Variants in RLF observed in about 807,000 individuals in gnomAD.
RLF encodes RLF zinc finger, also known as zinc finger protein Rlf.
In RLF, 7 loss-of-function variants were observed where a neutral mutation model predicts 162.9. The observed-to-expected ratio is 0.04, with a 90% confidence interval of 0.02 to 0.08. The LOEUF is 0.08. Ranked by LOEUF, RLF falls within the 10% of genes least tolerant of loss-of-function variation. RLF has a pLI of 1.00. For missense variants in RLF, 1,664 were observed against 2,244.7 expected, an observed-to-expected ratio of 0.74 and a Z score of 5.23; for synonymous variants, 782 against 791.5, an observed-to-expected ratio of 0.99 and a Z score of 0.20.
chr1:40,162,480 G>A lies in RLF; in HGVS notation c.237+844G>A, dbSNP rs368691554. Reference sequence around the variant, plus strand: ...GGCCATTATTATTTCTGCTTCCAATGTTTGTTCTGTCAGGTTTCAGAGGCA... The same window carrying A: ...GGCCATTATTATTTCTGCTTCCAATATTTGTTCTGTCAGGTTTCAGAGGCA... On this transcript the variant is annotated intron_variant, in intron 1 of 7. Transcript: ENST00000372771. Among the ~76,000 whole-genome samples, 13 of 152,266 alleles carry A rather than the reference G, an allele frequency of 8.5e-5. 1 individual carries two copies. The highest frequency in any genetic ancestry group is 3.9e-4 in the East Asian group (2 of 5,186).
intron 5 of RLF, among the ~76,000 whole-genome samples, chr1:40,210,862 G>A (rs1471742743): frequency 1.3e-5 from 2 of 152,172 alleles, no homozygotes; most frequent in African/African-American, 2.4e-5. Flanking sequence ...AAGATGATAA[G>A]CTTTGTTTTA....
intron 1 of RLF, among the ~76,000 whole-genome samples, chr1:40,179,901 T>C (rs1291762357): frequency 2.0e-5 from 3 of 152,232 alleles, no homozygotes; most frequent in Admixed American, 6.5e-5. Context: ...CCTCAAGATA[T>C]ATCATGTTGT....
intron 1 of RLF, among the ~76,000 whole-genome samples, chr1:40,172,959 C>T (rs1642265449): frequency 6.6e-6 from 1 of 152,108 alleles, no homozygotes. Flanking sequence ...TTGGGAGTCC[C>T]CGTTTTACTA....
At chr1:40,199,477 A>C (rs11807212) in intron 4 of RLF, among the ~76,000 whole-genome samples, 1 of 152,170 alleles carries the variant, frequency 6.6e-6, no homozygotes, top group Admixed American at 6.5e-5. Flanking sequence ...AGATGAAGAA[A>C]CTTGAGTCTC....
Position 40,239,240 on chromosome 1 carries a change from C to T in RLF, c.4538C>T (p.Ala1513Val), listed in dbSNP as rs946329042. The T allele has an allele frequency of 6.2e-7, 1 of 1,614,090 alleles. No individual in the cohort carries two copies. The highest frequency in any genetic ancestry group is 8.5e-7 in the Non-Finnish European group (1 of 1,180,002). The change falls in exon 8 of 8, where the codon GCT becomes GTT. Residue 1513 changes from alanine (A) to valine (V), a missense_variant. Physicochemically the swap from Ala to Val is moderately conservative, Grantham distance 64. This residue lies in a region of RLF where 200 missense variants were observed against 207.3 expected (regional missense o/e 0.96). Transcript: ENST00000372771. ...CAGACCACCAGGAGATCATTTAATG[C>T]TAAGTCTAAAAAATGTGGCTTAATC... ...EHQTTRRSFN[A>V]KSKKCGLIKE...
chr1:40,228,514 C>T lies in RLF; in HGVS notation c.948-3003C>T, dbSNP rs554210003. Among the ~76,000 whole-genome samples, 60 of 150,864 alleles carry T rather than the reference C, an allele frequency of 4.0e-4. 3 individuals are homozygous for T. Among genetic ancestry groups the T allele is most frequent in the South Asian group, 1.0e-3 (5 of 4,780 alleles). ...AGGAGAATCACTTGAACCCGGGAGG[C>T]GGAGGTTGCAGTGAGCCAAGATCAT... On this transcript the variant is annotated intron_variant, in intron 6 of 7. Transcript: ENST00000372771.
rs142200229 is a variant in RLF at position 40,174,512 on chromosome 1, C to G, written c.237+12876C>G. 1.4e-4 allele frequency among the ~76,000 whole-genome samples: 21 copies of G among 152,214 alleles called. No homozygotes were observed. In the South Asian group the frequency reaches 2.7e-3, roughly 20 times the overall value. On this transcript the variant is annotated intron_variant, in intron 1 of 7. Coordinates refer to ENST00000372771, the MANE Select transcript of RLF (RefSeq NM_012421.4). ...ATGCTCTTTAAGGTTTGATTCTGCT[C>G]CAAAATTATATAACTCTATTGAAAA...
chr1:40,178,632 G>GT (rs57391266), intron 1 of RLF, among the ~76,000 whole-genome samples: 9,395 of 88,522 alleles, frequency 0.11, 456 homozygotes, highest in Non-Finnish European at 0.14. Context: ...TTTTTTTTTT[G>GT]TTTTTTTTTT....
In RLF at chr1:40,176,958, CTTTCTTTTTTATTTA is replaced by C. The variant is rs1430694819; in HGVS notation, c.238-12086_238-12072del. On this transcript the variant is annotated intron_variant, in intron 1 of 7. Transcript: ENST00000372771. ...TTATTATTCTCTTAACAGTATATTTCTTTCTTTTTTATTTATTTCTTTTTTTAATTAATTAATTTT... is the reference window on the plus strand; with the variant it reads ...TTATTATTCTCTTAACAGTATATTTCTTTCTTTTTTTAATTAATTAATTTT... Among the ~76,000 whole-genome samples the C allele has an allele frequency of 8.6e-5, 13 of 151,378 alleles. 1 individual carries two copies. The highest frequency in any genetic ancestry group is 3.9e-4 in the East Asian group (2 of 5,156).
At chr1:40,163,260 C>T (rs1642121467) in intron 1 of RLF, among the ~76,000 whole-genome samples, 1 of 152,062 alleles carries the variant, frequency 6.6e-6, no homozygotes, top group African/African-American at 2.4e-5. Context: ...GAAAGCATCC[C>T]AGTGCCAAAG....
rs61780421 is a variant in RLF at position 40,175,642 on chromosome 1, C to T, written c.238-13413C>T. Among the ~76,000 whole-genome samples the T allele has an allele frequency of 3.7e-3, 555 of 151,796 alleles. 13 individuals are homozygous for T. Among genetic ancestry groups the T allele is most frequent in the East Asian group, 0.032 (163 of 5,142 alleles). ...CCAGCCTGGGCGACAGAGTGAGACTCCGACTCAAAAAAATAATAATAATTC... is the reference window on the plus strand; with the variant it reads ...CCAGCCTGGGCGACAGAGTGAGACTTCGACTCAAAAAAATAATAATAATTC... On this transcript the variant is annotated intron_variant, in intron 1 of 7. Coordinates refer to ENST00000372771, the MANE Select transcript of RLF (RefSeq NM_012421.4).
At position 40,238,505 on chromosome 1, in the gene RLF, C is replaced by T; in HGVS notation, c.3803C>T (p.Thr1268Ile). ...ESSCEETESKTSDISSPIGSH... is the reference protein window; with the variant it reads ...ESSCEETESKISDISSPIGSH... ...TCTTGTGAAGAAACAGAAAGTAAAA[C>T]ATCTGACATTTCATCACCAATAGGC... Residue 1268 changes from threonine to isoleucine, a missense_variant, in exon 8 of 8, where the codon ACA (threonine) becomes ATA (isoleucine). Physicochemically the swap from Thr to Ile is moderately conservative, Grantham distance 89. Coordinates refer to ENST00000372771, the MANE Select transcript of RLF (RefSeq NM_012421.4). The surrounding 1 kb of genome is among the most constrained non-coding windows in gnomAD (Gnocchi z 5.2). 3 of 1,613,896 alleles carry T rather than the reference C, an allele frequency of 1.9e-6. No homozygotes were observed. The highest frequency in any genetic ancestry group is 1.1e-5 in the South Asian group (1 of 91,078).
rs573657608 is a variant in RLF at position 40,162,241 on chromosome 1, G to A, written c.237+605G>A. 4.0e-5 allele frequency among the ~76,000 whole-genome samples: 6 copies of A among 151,546 alleles called. No homozygotes were observed. The South Asian group carries it at 8.3e-4, about 21-fold the overall frequency. ...CGTCTTTTCTGTATTTCTTTGAGAG[G>A]ATTGTGCTACCGAGAATAAGGCTGA... On this transcript the variant is annotated intron_variant, in intron 1 of 7. Transcript: ENST00000372771.
intron 4 of RLF, among the ~76,000 whole-genome samples, chr1:40,200,922 ACACACACACACACAC>A (rs1296847842): frequency 1.6e-5 from 2 of 128,300 alleles, no homozygotes; most frequent in Non-Finnish European, 3.2e-5. Context: ...ACACACACAC[ACACACACACACACAC>A]ACTGGTTTAT....
chr1:40,195,624 TGTTC>T lies in RLF; in HGVS notation c.475-7_475-4del. ...ACTTATTTTCTGGGTGTGCTGTTCTTGTTCTAGGAGTCACATGATGCATTATTGG... is the reference window on the plus strand; with the variant it reads ...ACTTATTTTCTGGGTGTGCTGTTCTTTAGGAGTCACATGATGCATTATTGG... On this transcript the variant is annotated splice_polypyrimidine_tract_variant and splice_region_variant and intron_variant, in intron 3 of 7. Transcript: ENST00000372771. 6.2e-7 allele frequency: 1 copy of T among 1,605,742 alleles called. No individual in the cohort carries two copies.
chr1:40,194,782 T>G (rs184528344), intron 3 of RLF, among the ~76,000 whole-genome samples: 135 of 151,414 alleles, frequency 8.9e-4, no homozygotes, highest in African/African-American at 3.0e-3. Flanking sequence ...TTAAAGGCAC[T>G]CTTTTACTTA....
chr1:40,174,492 CTT>C (rs1349443934), intron 1 of RLF, among the ~76,000 whole-genome samples: 1 of 152,148 alleles, frequency 6.6e-6, no homozygotes, highest in African/African-American at 2.4e-5. Context: ...ATGAGATGCT[CTT>C]TAAGGTTTGA....
At chr1:40,170,502 C>A (rs186505426) in intron 1 of RLF, among the ~76,000 whole-genome samples, 4 of 152,272 alleles carry the variant, frequency 2.6e-5, no homozygotes, top group African/African-American at 9.6e-5. Context: ...CTCAAGTGAG[C>A]CTCCCAAAGT....
chr1:40,196,598 C>G (rs1642640842), intron 4 of RLF, among the ~76,000 whole-genome samples: 1 of 152,156 alleles, frequency 6.6e-6, no homozygotes. Context: ...CTTTCAGGCT[C>G]AAGTGATCTG....
Sources: allele counts gnomAD v4.1 joint callset (sites outside exome capture counted in the v4.1 genomes callset), GRCh38; gene constraint gnomAD v4.1.1; regional missense constraint gnomAD v4.1.1; non-coding constraint Gnocchi (gnomAD v3.1); transcripts MANE v1.5; gene names NCBI Gene and HGNC (gene_info 2026-07-23, HGNC 2026-07-21).